Variants in BCAS3 observed in about 807,000 individuals in gnomAD.
BCAS3 encodes BCAS4/BCAS3 fusion.
BCAS3 carries 53 observed loss-of-function variants against 116.1 expected under a neutral mutation model. The ratio of observed to expected loss-of-function variants is 0.46; its 90% CI spans 0.37 to 0.57. BCAS3 has a LOEUF of 0.57. Among genes scored for constraint, BCAS3 ranks in the 20% least tolerant of loss-of-function variants. The pLI is 0.00. For synonymous variants in BCAS3, 391 were observed against 408.2 expected, an observed-to-expected ratio of 0.96 and a Z score of 0.51; for missense variants, 917 against 1,165.4, an observed-to-expected ratio of 0.79 and a Z score of 3.10.
At chr17:60,919,858 A>G (rs1455782257) in intron 12 of BCAS3, among the ~76,000 whole-genome samples, 1 of 152,126 alleles carries the variant, frequency 6.6e-6, no homozygotes, top group African/African-American at 2.4e-5. Context: ...CCCTCCAACT[A>G]CCGCTAAGAA....
chr17:61,202,242 G>A (rs1273113858), intron 22 of BCAS3, among the ~76,000 whole-genome samples: 2 of 148,442 alleles, frequency 1.3e-5, no homozygotes, highest in African/African-American at 2.5e-5. Flanking sequence ...GGTTCACGCC[G>A]TTCTCCTGCC....
Position 61,196,730 on chromosome 17 carries a change from A to C in BCAS3, c.2425+112166A>C, listed in dbSNP as rs1007438963. ...ATCAAATAAGTGAAGACTTTCTGAG[A>C]CGGAAGGCTTGCATTTATCGGCATT... On this transcript the variant is annotated intron_variant, in intron 22 of 23. Transcript: ENST00000407086. This position sits in a 1 kb window ranked among gnomAD's most constrained non-coding sequence, Gnocchi z 4.7. Among the ~76,000 whole-genome samples, 1 of 152,258 alleles carries C rather than the reference A, an allele frequency of 6.6e-6. No homozygotes were observed. The highest frequency in any genetic ancestry group is 1.5e-5 in the Non-Finnish European group (1 of 68,046).
At chr17:60,780,504 T>C (rs1239449823) in intron 6 of BCAS3, among the ~76,000 whole-genome samples, 1 of 152,056 alleles carries the variant, frequency 6.6e-6, no homozygotes, top group African/African-American at 2.4e-5. Context: ...GGTTTCACTA[T>C]GTTGGCCAGG....
rs1024885105 is a variant in BCAS3, at chr17:61,008,526, A to G, written c.1487-7225A>G. On this transcript the variant is annotated intron_variant, in intron 15 of 23. Coordinates refer to ENST00000407086, the MANE Select transcript of BCAS3 (RefSeq NM_017679.5). This position sits in a 1 kb window ranked among gnomAD's most constrained non-coding sequence, Gnocchi z 4.6. ...AGTGACTATTTCAAAACAAGCTACC[A>G]TTGTATTCTTTGACAGAGTCAAGAA... 6.6e-6 allele frequency among the ~76,000 whole-genome samples: 1 copy of G among 151,538 alleles called. No individual in the cohort carries two copies. The highest frequency in any genetic ancestry group is 2.1e-4 in the South Asian group (1 of 4,836).
chr17:60,689,556 C>G (rs2034540257), intron 3 of BCAS3, 130 bp from the exon 4 acceptor site: 1 of 537,654 alleles, frequency 1.9e-6, no homozygotes, highest in Non-Finnish European at 3.2e-6. Flanking sequence ...CTAAAATATT[C>G]TAGTTACCAA....
At chr17:60,749,100 T>G (rs1030776612) in intron 6 of BCAS3, 2 of 152,198 alleles carry the variant, frequency 1.3e-5, no homozygotes, top group African/African-American at 4.8e-5. Flanking sequence ...ATAAAACTTG[T>G]AATGGAAAAG....
intron 6 of BCAS3, among the ~76,000 whole-genome samples, chr17:60,803,567 G>A (rs776323272): frequency 6.6e-6 from 1 of 151,928 alleles, no homozygotes; most frequent in Non-Finnish European, 1.5e-5. Flanking sequence ...TTTTCTGAAG[G>A]TATAAAATGA....
chr17:61,310,665 C>A (rs2054229831), intron 22 of BCAS3, among the ~76,000 whole-genome samples: 1 of 152,050 alleles, frequency 6.6e-6, no homozygotes, highest in South Asian at 2.1e-4. Context: ...AAGTATTAAG[C>A]CGAGCTATGA....
rs1254441539 is a variant in BCAS3 at position 61,023,864 on chromosome 17, T to G, written c.1637+7963T>G. 1.3e-5 allele frequency among the ~76,000 whole-genome samples: 2 copies of G among 152,196 alleles called. No individual in the cohort carries two copies. Among genetic ancestry groups the G allele is most frequent in the African/African-American group, 4.8e-5 (2 of 41,450 alleles). ...ATTCAGGTCAAAAAGGATATAATTATGACAAATTGAGTAGGTTTTATATGG... is the reference window on the plus strand; with the variant it reads ...ATTCAGGTCAAAAAGGATATAATTAGGACAAATTGAGTAGGTTTTATATGG... On this transcript the variant is annotated intron_variant, in intron 16 of 23. Coordinates refer to ENST00000407086, the MANE Select transcript of BCAS3 (RefSeq NM_017679.5). The surrounding 1 kb of genome is among the most constrained non-coding windows in gnomAD (Gnocchi z 4.8).
In BCAS3 at chr17:61,332,082, G is replaced by A. The variant is rs776607273; in HGVS notation, c.2426-36245G>A. ...GGTCTCGACCTCCCATGAGCAGGGC[G>A]AGGCTGCCTCAGACAAGTGCAGAGA... is the stretch of plus-strand genomic sequence containing the variant. On this transcript the variant is annotated intron_variant, in intron 22 of 23. Coordinates refer to ENST00000407086, the MANE Select transcript of BCAS3 (RefSeq NM_017679.5). This position sits in a 1 kb window ranked among gnomAD's most constrained non-coding sequence, Gnocchi z 5.4. 2.0e-5 allele frequency among the ~76,000 whole-genome samples: 3 copies of A among 152,172 alleles called. No individual in the cohort carries two copies. Among genetic ancestry groups the A allele is most frequent in the Non-Finnish European group, 2.9e-5 (2 of 68,034 alleles).
At chr17:61,002,247 G>A (rs1276732874) in intron 15 of BCAS3, among the ~76,000 whole-genome samples, 1 of 151,848 alleles carries the variant, frequency 6.6e-6, no homozygotes, top group African/African-American at 2.4e-5. Flanking sequence ...TTTCATTTTG[G>A]ATATAACACA....
At chr17:61,164,012 A>G (rs947063190) in intron 22 of BCAS3, among the ~76,000 whole-genome samples, 1 of 72,712 alleles carries the variant, frequency 1.4e-5, no homozygotes, top group African/African-American at 9.8e-5. Context: ...AAAAAAAACC[A>G]AAAAAAAAAA....
intron 4 of BCAS3, among the ~76,000 whole-genome samples, chr17:60,707,887 A>T (rs1308151624): frequency 6.6e-6 from 1 of 152,114 alleles, no homozygotes; most frequent in Non-Finnish European, 1.5e-5. Flanking sequence ...ATATTGTGGG[A>T]TTCAATTTGC....
intron 16 of BCAS3, among the ~76,000 whole-genome samples, chr17:61,031,301 A>G (rs1183623857): frequency 1.3e-5 from 2 of 151,996 alleles, no homozygotes; most frequent in Non-Finnish European, 2.9e-5. Flanking sequence ...TCATTTTTCA[A>G]TGTTTTATCT....
chr17:60,891,620 C>A, intron 10 of BCAS3: 1 of 450,270 alleles, frequency 2.2e-6, no homozygotes, highest in Non-Finnish European at 4.5e-6. Context: ...AGTGAAAATG[C>A]TCTTTGACTA....
rs1461173985 is a variant in BCAS3, at chr17:61,307,703, A to G, written c.2426-60624A>G. Reference sequence around the variant, plus strand: ...CTCTAAATAAAATTACTTTTTCCCAAGTGTTCTAGAAAGGGTTACATTCCT... The same window carrying G: ...CTCTAAATAAAATTACTTTTTCCCAGGTGTTCTAGAAAGGGTTACATTCCT... On this transcript the variant is annotated intron_variant, in intron 22 of 23. Coordinates refer to ENST00000407086, the MANE Select transcript of BCAS3 (RefSeq NM_017679.5). This position sits in a 1 kb window ranked among gnomAD's most constrained non-coding sequence, Gnocchi z 4.7. Among the ~76,000 whole-genome samples the G allele has an allele frequency of 6.6e-6, 1 of 152,242 alleles. No individual in the cohort carries two copies. The highest frequency in any genetic ancestry group is 1.5e-5 in the Non-Finnish European group (1 of 68,046).
intron 22 of BCAS3, among the ~76,000 whole-genome samples, chr17:61,320,015 G>C (rs1037284873): frequency 1.3e-5 from 2 of 150,648 alleles, no homozygotes; most frequent in Non-Finnish European, 3.0e-5. Context: ...TCAGCCTCCC[G>C]AGCAGCTGGG....
At chr17:61,304,005 C>G (rs2053647159) in intron 22 of BCAS3, among the ~76,000 whole-genome samples, 1 of 152,220 alleles carries the variant, frequency 6.6e-6, no homozygotes. Flanking sequence ...CAGTCTGTAA[C>G]ACCACCATCC....
At chr17:60,847,267 T>C (rs1311312393) in intron 7 of BCAS3, among the ~76,000 whole-genome samples, 1 of 152,228 alleles carries the variant, frequency 6.6e-6, no homozygotes, top group Non-Finnish European at 1.5e-5. Flanking sequence ...TACTTTGTGG[T>C]TATGATGAAA....
Sources: gnomAD v4.1 joint callset for allele counts (sites outside exome capture counted in the v4.1 genomes callset) on GRCh38, gnomAD v4.1.1 for gene constraint, Gnocchi (gnomAD v3.1) non-coding constraint, MANE v1.5 for transcripts, NCBI Gene and HGNC (gene_info 2026-07-23, HGNC 2026-07-21) for gene names.